CELF2: variants seen among roughly 807,000 people sequenced by gnomAD.
The protein encoded by CELF2 is CUG triplet repeat RNA-binding protein 2.
CELF2 carries 8 observed loss-of-function variants against 62.6 expected under a neutral mutation model. The ratio of observed to expected loss-of-function variants is 0.13; its 90% CI spans 0.07 to 0.23. CELF2 has a LOEUF of 0.23. Among genes scored for constraint, CELF2 ranks in the 10% least tolerant of loss-of-function variants. CELF2 has a pLI of 1.00. For synonymous variants in CELF2, 258 were observed against 250.0 expected, an observed-to-expected ratio of 1.03 and a Z score of -0.30; for missense variants, 333 against 671.0, an observed-to-expected ratio of 0.50 and a Z score of 5.56.
chr10:11,201,694 C>A (rs1241281937), intron 2 of CELF2, among the ~76,000 whole-genome samples: 1 of 152,146 alleles, frequency 6.6e-6, no homozygotes, highest in African/African-American at 2.4e-5. Context: ...TGTGTTGTTT[C>A]CCAGGCTTCC....
chr10:11,210,929 A>G (rs1001618952), intron 2 of CELF2, among the ~76,000 whole-genome samples: 5 of 150,248 alleles, frequency 3.3e-5, no homozygotes, highest in Non-Finnish European at 6.0e-5. Flanking sequence ...TTATGTGTCA[A>G]TAAAAAACAA....
At chr10:11,101,317 C>T (rs138968143) in intron 1 of CELF2, among the ~76,000 whole-genome samples, 2 of 152,124 alleles carry the variant, frequency 1.3e-5, no homozygotes, top group African/African-American at 2.4e-5. Context: ...ATGTACAGAT[C>T]GGTATGTCAT....
rs535411128 is a variant in CELF2 at position 11,108,373 on chromosome 10, G to C, written c.75-57113G>C. 1.3e-4 allele frequency among the ~76,000 whole-genome samples: 20 copies of C among 149,560 alleles called. No homozygotes were observed. In the East Asian group the frequency reaches 4.0e-3, roughly 30 times the overall value. On this transcript the variant is annotated intron_variant, in intron 1 of 12. Transcript: ENST00000633077. ...GTTTTTTTGTTTGTTTTTTCAGCCTGTACTGTCTTCAGAACTGCCTGTTTT... is the reference window on the plus strand; with the variant it reads ...GTTTTTTTGTTTGTTTTTTCAGCCTCTACTGTCTTCAGAACTGCCTGTTTT...
At chr10:11,105,669 C>T (rs1362924524) in intron 1 of CELF2, among the ~76,000 whole-genome samples, 1 of 152,222 alleles carries the variant, frequency 6.6e-6, no homozygotes, top group Non-Finnish European at 1.5e-5. Context: ...AAATGTTCTC[C>T]TCATCTTGTG....
At chr10:10,748,598 A>G in the CELF2 span, among the ~76,000 whole-genome samples, 1 of 151,960 alleles carries the variant, frequency 6.6e-6, no homozygotes, top group Admixed American at 6.6e-5. Flanking sequence ...AATACAAAAA[A>G]GTAGCCGGCC....
chr10:11,213,107 C>T (rs546967847), intron 2 of CELF2, among the ~76,000 whole-genome samples: 148 of 152,064 alleles, frequency 9.7e-4, no homozygotes, highest in African/African-American at 3.5e-3. Context: ...TAACATGGAG[C>T]GAGGCCTCTC....
At chr10:10,628,407 A>T in the CELF2 span, among the ~76,000 whole-genome samples, 1 of 152,160 alleles carries the variant, frequency 6.6e-6, no homozygotes, top group Non-Finnish European at 1.5e-5. Flanking sequence ...CAACCATGCT[A>T]CTAGATCCTT....
intron 1 of CELF2, among the ~76,000 whole-genome samples, chr10:11,094,382 C>A (rs2049181670): frequency 6.6e-6 from 1 of 152,180 alleles, no homozygotes. Flanking sequence ...ATGCAGTCCA[C>A]TTGTGGGCAA....
chr10:11,033,257 ATTTTTTT>A (rs199975812), intron 1 of CELF2, among the ~76,000 whole-genome samples: 1 of 139,110 alleles, frequency 7.2e-6, no homozygotes. Context: ...TGTTCAGGGC[ATTTTTTT>A]TTTTTTTTTT....
At chr10:10,466,537 G>A in the CELF2 span, among the ~76,000 whole-genome samples, 9 of 152,042 alleles carry the variant, frequency 5.9e-5, no homozygotes, top group African/African-American at 1.4e-4. Context: ...CTTAATGTAG[G>A]CATAGGTGTT....
chr10:11,333,212 G>A lies in CELF2; in HGVS notation c.*4159G>A, dbSNP rs949311794. 4 of 9,948 alleles carry A rather than the reference G, an allele frequency of 4.0e-4. No individual in the cohort carries two copies. The highest frequency in any genetic ancestry group is 9.6e-4 in the African/African-American group (2 of 2,086). The allele number at this position is 9,948 out of a possible 1,614,324, so 0.6% of individuals were successfully genotyped here. ...ACAAGTCACCAAGAGAGGACATGAG[G>A]GGGAAAGTCCTTTTTGCCCTTCTCC... On this transcript the variant is annotated 3_prime_UTR_variant, in exon 13 of 13. Coordinates refer to ENST00000633077, the MANE Select transcript of CELF2 (RefSeq NM_001326342.2).
intron 1 of CELF2, among the ~76,000 whole-genome samples, chr10:10,854,336 G>A (rs1161175648): frequency 6.6e-6 from 1 of 152,166 alleles, no homozygotes; most frequent in Non-Finnish European, 1.5e-5. Flanking sequence ...GGCAAAGCCA[G>A]GCAGAATGAG....
chr10:11,028,422 CTTTTTTTTTTTTT>C (rs5742072), intron 1 of CELF2, among the ~76,000 whole-genome samples: 1 of 135,722 alleles, frequency 7.4e-6, no homozygotes, highest in Non-Finnish European at 1.6e-5. Flanking sequence ...TTTTCTTTTT[CTTTTTTTTTTTTT>C]TTGAGATGGA....
chr10:11,173,897 A>G (rs1487909475), intron 2 of CELF2, among the ~76,000 whole-genome samples: 1 of 152,238 alleles, frequency 6.6e-6, no homozygotes, highest in Non-Finnish European at 1.5e-5. Context: ...TGATTTAGCG[A>G]CAGATTGACA....
rs578143464 is a variant in CELF2 at position 11,220,607 on chromosome 10, G to T, written c.354+3100G>T. 6.6e-6 allele frequency among the ~76,000 whole-genome samples: 1 copy of T among 152,060 alleles called. No homozygotes were observed. Among genetic ancestry groups the T allele is most frequent in the Non-Finnish European group, 1.5e-5 (1 of 68,006 alleles). ...CGTTTCTCAAACTTGCCTCTTACTG[G>T]GTAACCAAAGAAGACGCTCTGTTTT... is the stretch of plus-strand genomic sequence containing the variant. On this transcript the variant is annotated intron_variant, in intron 3 of 12. Transcript: ENST00000633077. The surrounding 1 kb of genome is among the most constrained non-coding windows in gnomAD (Gnocchi z 4.4).
chr10:11,112,087 C>G (rs907745946), intron 1 of CELF2, among the ~76,000 whole-genome samples: 4 of 152,192 alleles, frequency 2.6e-5, no homozygotes, highest in African/African-American at 9.7e-5. Flanking sequence ...ATATTTGTAC[C>G]TTTACATATA....
chr10:11,170,885 T>G (rs1322795543), intron 2 of CELF2, among the ~76,000 whole-genome samples: 1 of 152,176 alleles, frequency 6.6e-6, no homozygotes, highest in Non-Finnish European at 1.5e-5. Context: ...TAATGAACAC[T>G]TTACATTTTT....
chr10:10,688,145 A>G, the CELF2 span, among the ~76,000 whole-genome samples: 2 of 152,196 alleles, frequency 1.3e-5, no homozygotes, highest in African/African-American at 4.8e-5. Context: ...TTAGGATTTT[A>G]CCTGCATTTC....
At chr10:11,100,808 CTCTT>C (rs1335278475) in intron 1 of CELF2, among the ~76,000 whole-genome samples, 1 of 152,184 alleles carries the variant, frequency 6.6e-6, no homozygotes, top group African/African-American at 2.4e-5. Flanking sequence ...CAAAGTAACT[CTCTT>C]TCTGTGTTTG....
Sources: gnomAD v4.1 joint callset for allele counts (sites outside exome capture counted in the v4.1 genomes callset) on GRCh38, gnomAD v4.1.1 for gene constraint, Gnocchi (gnomAD v3.1) non-coding constraint, MANE v1.5 for transcripts, NCBI Gene and HGNC (gene_info 2026-07-23, HGNC 2026-07-21) for gene names.